The following AFF2 variants were observed in gnomAD, a reference collection of about 807,000 sequenced individuals.
AFF2 encodes ALF transcription elongation factor 2.
AFF2 carries 14 observed loss-of-function variants against 76.9 expected under a neutral mutation model. That is an observed-to-expected ratio of 0.18 (90% CI 0.12 to 0.28). AFF2 has a LOEUF of 0.28. Ranked by LOEUF, AFF2 falls within the 10% of genes least tolerant of loss-of-function variation. The pLI is 1.00. For synonymous variants in AFF2, 398 were observed against 366.7 expected (o/e 1.09, Z -0.98); for missense variants, 868 against 1,001.1 (o/e 0.87, Z 1.79).
chrX:148,925,631 A>G, intron 9 of AFF2, among the ~76,000 whole-genome samples: 1 of 112,295 alleles, frequency 8.9e-6, no homozygotes, highest in Non-Finnish European at 1.9e-5. Context: ...TTGGGTTCAA[A>G]TCCCAGCTCT....
chrX:148,642,532 G>A (rs1320512883), intron 1 of AFF2, among the ~76,000 whole-genome samples: 3 of 112,011 alleles, frequency 2.7e-5, no homozygotes, highest in Non-Finnish European at 5.6e-5. Context: ...GGCCTAGAGA[G>A]GAAATACTTC....
chrX:148,859,841 C>G (rs1361701413), intron 7 of AFF2, among the ~76,000 whole-genome samples: 2 of 109,984 alleles, frequency 1.8e-5, no homozygotes, highest in Non-Finnish European at 3.8e-5. Context: ...TTATTATACT[C>G]TAAGTTCTAG....
intron 8 of AFF2, among the ~76,000 whole-genome samples, chrX:148,890,717 T>G (rs2071213408): frequency 8.9e-6 from 1 of 111,884 alleles, no homozygotes; most frequent in African/African-American, 3.2e-5. Context: ...GGTGGAGAGT[T>G]GATTCATACC....
rs781892643 is a variant in AFF2 at position 148,995,989 on chromosome X, T to C, written c.*4657T>C. 6 of 112,798 alleles carry C rather than the reference T, an allele frequency of 5.3e-5. No individual in the cohort carries two copies. Among genetic ancestry groups the C allele is most frequent in the Non-Finnish European group, 9.4e-5 (5 of 53,323 alleles). The allele number at this position is 112,798 out of a possible 1,213,427, so 9.3% of individuals were successfully genotyped here. On this transcript the variant is annotated 3_prime_UTR_variant, in exon 21 of 21. Transcript: ENST00000370460. ...TTGGGGAACTCATTGTTCTCCAGTC[T>C]CTGCAGCAGGAAGCCAGCTGTCATA...
At chrX:148,773,123 T>C (rs2069611765) in intron 3 of AFF2, among the ~76,000 whole-genome samples, 4 of 111,314 alleles carry the variant, frequency 3.6e-5, no homozygotes, top group Admixed American at 1.9e-4. Flanking sequence ...TTGCATTTGA[T>C]TAACAGAAAG....
intron 3 of AFF2, among the ~76,000 whole-genome samples, chrX:148,710,107 G>T (rs1557262781): frequency 8.9e-6 from 1 of 111,932 alleles, no homozygotes; most frequent in East Asian, 2.8e-4. Context: ...GTTAAATAAA[G>T]TAAATTGCCC....
chrX:148,580,203 C>A (rs1329011207), intron 1 of AFF2, among the ~76,000 whole-genome samples: 2 of 110,976 alleles, frequency 1.8e-5, no homozygotes, highest in African/African-American at 6.6e-5. Context: ...TATCCAGGGG[C>A]TTTTTGCCCA....
chrX:148,716,032 C>A (rs998240758), intron 3 of AFF2, among the ~76,000 whole-genome samples: 7 of 111,412 alleles, frequency 6.3e-5, no homozygotes, highest in African/African-American at 2.3e-4. Flanking sequence ...TGTGTATTCA[C>A]AACCACATTA....
chrX:148,745,281 G>T (rs73605923), intron 3 of AFF2, among the ~76,000 whole-genome samples: 136 of 111,390 alleles, frequency 1.2e-3, no homozygotes, highest in African/African-American at 3.4e-3. Flanking sequence ...TTCTAAAATT[G>T]TTGTACATCT....
chrX:148,653,457 C>G (rs1292583770), intron 2 of AFF2, among the ~76,000 whole-genome samples: 1 of 111,330 alleles, frequency 9.0e-6, no homozygotes, highest in Non-Finnish European at 1.9e-5. Flanking sequence ...TGCATGGTAA[C>G]AGAGAGATAG....
At chrX:148,633,701 T>C (rs1376466659) in intron 1 of AFF2, among the ~76,000 whole-genome samples, 1 of 112,264 alleles carries the variant, frequency 8.9e-6, no homozygotes, top group African/African-American at 3.2e-5. Flanking sequence ...CCTAAACTAA[T>C]CCCACACAGT....
At chrX:148,987,290 G>A (rs782730624) in intron 19 of AFF2, 77 bp from the exon 20 acceptor site, 88 of 932,126 alleles carry the variant, frequency 9.4e-5, no homozygotes, top group African/African-American at 5.7e-4. Flanking sequence ...AGATCCCAGC[G>A]TGATGGGGAA....
intron 3 of AFF2, among the ~76,000 whole-genome samples, chrX:148,703,384 A>G (rs1557262042): frequency 5.3e-5 from 6 of 112,319 alleles, no homozygotes; most frequent in Non-Finnish European, 1.9e-5. Context: ...ATGAACTGGT[A>G]ACAGGTGTCA....
intron 3 of AFF2, among the ~76,000 whole-genome samples, chrX:148,764,883 A>T (rs1247651248): frequency 8.9e-6 from 1 of 111,896 alleles, no homozygotes. Flanking sequence ...TTCTTCCCGA[A>T]TTATTTACTA....
chrX:148,991,314 C>T lies in AFF2; in HGVS notation c.3918C>T (p.Ile1306=), dbSNP rs782748183. ...GCCAAGGACTGTGTTGGCTGCGCATCGATGCCCACTTGTTGTAGTGGGTGT... is the reference window on the plus strand; with the variant it reads ...GCCAAGGACTGTGTTGGCTGCGCATTGATGCCCACTTGTTGTAGTGGGTGT... ...YVRQGLCWLR[I]DAHLL Residue 1306 remains isoleucine (I), a synonymous_variant, in exon 21 of 21, where the codon ATC becomes ATT. Transcript: ENST00000370460. 37 of 1,205,018 alleles carry T rather than the reference C, an allele frequency of 3.1e-5. No homozygotes were observed. The highest frequency in any genetic ancestry group is 3.8e-5 in the Non-Finnish European group (34 of 892,308).
intron 8 of AFF2, among the ~76,000 whole-genome samples, chrX:148,901,467 T>C (rs1215649176): frequency 8.9e-6 from 1 of 112,171 alleles, no homozygotes; most frequent in African/African-American, 3.2e-5. Context: ...TAAATTACTT[T>C]AATGTATGTT....
chrX:148,723,114 G>A (rs1027158456), intron 3 of AFF2, among the ~76,000 whole-genome samples: 1 of 111,657 alleles, frequency 9.0e-6, no homozygotes, highest in Non-Finnish European at 1.9e-5. Context: ...GCTTGCAAAG[G>A]CCTATGGCTC....
intron 18 of AFF2, among the ~76,000 whole-genome samples, chrX:148,979,265 G>A (rs888601723): frequency 1.8e-4 from 20 of 111,965 alleles, no homozygotes; most frequent in Non-Finnish European, 9.4e-5. Flanking sequence ...CGAAATTATG[G>A]CCTTATGTGA....
chrX:148,766,805 A>T (rs1309025958), intron 3 of AFF2, among the ~76,000 whole-genome samples: 3 of 111,603 alleles, frequency 2.7e-5, no homozygotes. Flanking sequence ...CAATTCTATG[A>T]CCCTGATCAT....
Sources: gnomAD v4.1 joint callset for allele counts (sites outside exome capture counted in the v4.1 genomes callset) on GRCh38, gnomAD v4.1.1 for gene constraint, MANE v1.5 for transcripts, NCBI Gene and HGNC (gene_info 2026-07-23, HGNC 2026-07-21) for gene names.